The following COG5 variants were observed in gnomAD, a reference collection of about 807,000 sequenced individuals.
The protein encoded by COG5 is component of oligomeric golgi complex 5, also known as conserved oligomeric Golgi complex subunit 5.
COG5 carries 86 observed loss-of-function variants against 110.4 expected under a neutral mutation model. The ratio of observed to expected loss-of-function variants is 0.78; its 90% CI spans 0.65 to 0.93. The LOEUF is 0.93. Ranked by LOEUF, COG5 falls within the 40% of genes least tolerant of loss-of-function variation. COG5 has a pLI of 0.00. For missense variants in COG5, 1,077 were observed against 987.0 expected (o/e 1.09, Z -1.22); for synonymous variants, 360 against 334.6 (o/e 1.08, Z -0.83).
intron 6 of COG5, among the ~76,000 whole-genome samples, chr7:107,437,865 T>C (rs1162864990): frequency 6.6e-6 from 1 of 152,158 alleles, no homozygotes; most frequent in African/African-American, 2.4e-5. Flanking sequence ...TATAATTTTG[T>C]TCATGGTAAT....
At chr7:107,550,104 C>T (rs1802780990) in intron 3 of COG5, among the ~76,000 whole-genome samples, 1 of 152,120 alleles carries the variant, frequency 6.6e-6, no homozygotes, top group African/African-American at 2.4e-5. Flanking sequence ...CACTTCTCTC[C>T]AGGCTATGTC....
intron 10 of COG5, among the ~76,000 whole-genome samples, chr7:107,359,363 C>G (rs1410469166): frequency 6.6e-6 from 1 of 152,194 alleles, no homozygotes; most frequent in Non-Finnish European, 1.5e-5. Flanking sequence ...CTTTGGACAC[C>G]AACAAGCATG....
chr7:107,260,331 A>C (rs1378062543), intron 14 of COG5, among the ~76,000 whole-genome samples: 2 of 152,166 alleles, frequency 1.3e-5, no homozygotes, highest in Non-Finnish European at 2.9e-5. Context: ...TAAAAGCCAC[A>C]TATTAAATGG....
chr7:107,367,428 G>T (rs766389430), intron 8 of COG5, among the ~76,000 whole-genome samples: 1 of 151,924 alleles, frequency 6.6e-6, no homozygotes, highest in Non-Finnish European at 1.5e-5. Flanking sequence ...CCACTACTGG[G>T]TATCTACCCA....
At chr7:107,371,288 T>C (rs1814136563) in intron 8 of COG5, among the ~76,000 whole-genome samples, 1 of 152,130 alleles carries the variant, frequency 6.6e-6, no homozygotes, top group Non-Finnish European at 1.5e-5. Context: ...CACATTTATA[T>C]AGCAAATATA....
chr7:107,407,090 G>T (rs1442820421), intron 7 of COG5, among the ~76,000 whole-genome samples: 2 of 152,098 alleles, frequency 1.3e-5, no homozygotes, highest in East Asian at 1.9e-4. Context: ...TCCTTCAAAA[G>T]AAACATTAGG....
chr7:107,379,344 T>C (rs955444508), intron 7 of COG5, among the ~76,000 whole-genome samples: 3 of 152,140 alleles, frequency 2.0e-5, no homozygotes, highest in African/African-American at 7.2e-5. Flanking sequence ...CCACGGACAC[T>C]ATGGAGAAAC....
intron 21 of COG5, chr7:107,208,324 C>T (rs901068188): frequency 6.0e-5 from 59 of 985,260 alleles, no homozygotes; most frequent in Admixed American, 4.3e-4. Context: ...AGCAACAGCA[C>T]TGCTGATGAA....
At chr7:107,343,624 C>T (rs1375360154) in intron 10 of COG5, among the ~76,000 whole-genome samples, 3 of 152,118 alleles carry the variant, frequency 2.0e-5, no homozygotes, top group Admixed American at 6.5e-5. Context: ...GAGATTGCAG[C>T]GAGCTGACGT....
chr7:107,404,906 A>G (rs1309526940), intron 7 of COG5, among the ~76,000 whole-genome samples: 1 of 151,528 alleles, frequency 6.6e-6, no homozygotes, highest in Non-Finnish European at 1.5e-5. Context: ...AAAAAAAAAA[A>G]AACAGTTGGC....
intron 19 of COG5, among the ~76,000 whole-genome samples, chr7:107,221,621 C>G (rs887653545): frequency 6.6e-6 from 1 of 151,728 alleles, no homozygotes; most frequent in African/African-American, 2.4e-5. Flanking sequence ...AAAAATTAGC[C>G]GGGCATGGTA....
chr7:107,485,088 T>C (rs1307444739), intron 6 of COG5, among the ~76,000 whole-genome samples: 1 of 152,166 alleles, frequency 6.6e-6, no homozygotes, highest in Non-Finnish European at 1.5e-5. Flanking sequence ...CTTCCATAAA[T>C]ATTCTCTCTC....
intron 19 of COG5, among the ~76,000 whole-genome samples, chr7:107,219,551 G>A (rs1042908108): frequency 2.6e-5 from 4 of 152,130 alleles, no homozygotes; most frequent in Non-Finnish European, 5.9e-5. Context: ...TGAGCCTGGA[G>A]GACATTACGT....
At chr7:107,480,230 G>A (rs1353858987) in intron 6 of COG5, among the ~76,000 whole-genome samples, 1 of 152,090 alleles carries the variant, frequency 6.6e-6, no homozygotes, top group African/African-American at 2.4e-5. Flanking sequence ...TGGCAACTGA[G>A]AAGGTTATAT....
At chr7:107,249,304 G>A (rs1422355133) in intron 16 of COG5, among the ~76,000 whole-genome samples, 6 of 151,966 alleles carry the variant, frequency 3.9e-5, no homozygotes, top group Admixed American at 3.3e-4. Context: ...GCATCTAGTA[G>A]GTAGAGGACA....
At chr7:107,398,471 A>G (rs1791174612) in intron 7 of COG5, among the ~76,000 whole-genome samples, 1 of 152,110 alleles carries the variant, frequency 6.6e-6, no homozygotes, top group South Asian at 2.1e-4. Flanking sequence ...TGCGAACCCT[A>G]TTGCTAACTG....
chr7:107,388,493 C>T (rs1036700028), intron 7 of COG5, among the ~76,000 whole-genome samples: 2 of 152,118 alleles, frequency 1.3e-5, no homozygotes, highest in Non-Finnish European at 2.9e-5. Context: ...AAGAACATGC[C>T]ATAGTAAAAT....
intron 15 of COG5, among the ~76,000 whole-genome samples, chr7:107,257,900 G>A (rs1488706407): frequency 6.6e-6 from 1 of 152,102 alleles, no homozygotes; most frequent in East Asian, 1.9e-4. Flanking sequence ...TGACATGTTG[G>A]AGGGCTTCAG....
At chr7:107,249,760 A>C (rs1310379546) in intron 16 of COG5, among the ~76,000 whole-genome samples, 1 of 150,732 alleles carries the variant, frequency 6.6e-6, no homozygotes, top group African/African-American at 2.4e-5. Flanking sequence ...TTTGCCCTCC[A>C]TACAGGAGCT....
Sources: allele counts gnomAD v4.1 joint callset (sites outside exome capture counted in the v4.1 genomes callset), GRCh38; gene constraint gnomAD v4.1.1; transcripts MANE v1.5; gene names NCBI Gene and HGNC (gene_info 2026-07-23, HGNC 2026-07-21).